Variants in FAM110B observed in about 807,000 individuals in gnomAD.
FAM110B encodes family with sequence similarity 110 member B.
A neutral mutation model predicts 20.4 loss-of-function variants in FAM110B; 6 were observed. That is an observed-to-expected ratio of 0.29 (90% CI 0.16 to 0.58). The LOEUF (loss-of-function observed/expected upper bound fraction) is 0.58, where lower values mean the gene tolerates loss of function less well. Among genes scored for constraint, FAM110B ranks in the 20% least tolerant of loss-of-function variants. The pLI is 0.90. For missense variants in FAM110B, 434 were observed against 498.2 expected, an observed-to-expected ratio of 0.87 and a Z score of 1.23; for synonymous variants, 226 against 214.1, an observed-to-expected ratio of 1.06 and a Z score of -0.49.
intron 1 of FAM110B, among the ~76,000 whole-genome samples, chr8:58,012,922 C>T (rs868140142): frequency 1.3e-5 from 2 of 152,136 alleles, no homozygotes; most frequent in Middle Eastern, 3.2e-3. Flanking sequence ...TCTTATCCCA[C>T]CTGAGCTTGG....
chr8:58,078,256 A>G (rs1050770270), intron 3 of FAM110B, among the ~76,000 whole-genome samples: 1 of 152,218 alleles, frequency 6.6e-6, no homozygotes, highest in Admixed American at 6.5e-5. Context: ...TAAAAGGCAA[A>G]TGAAGTCATG....
At chr8:58,033,067 TC>T (rs1174185648) in intron 2 of FAM110B, among the ~76,000 whole-genome samples, 1 of 151,982 alleles carries the variant, frequency 6.6e-6, no homozygotes, top group Non-Finnish European at 1.5e-5. Flanking sequence ...CCCCTGTAAC[TC>T]CCCCCAGTAG....
At chr8:58,086,056 T>TAGG (rs1806324381) in intron 3 of FAM110B, among the ~76,000 whole-genome samples, 1 of 152,350 alleles carries the variant, frequency 6.6e-6, no homozygotes, top group East Asian at 1.9e-4. Context: ...GACTGGCTTA[T>TAGG]AGGAGGGGCC....
At chr8:58,066,886 G>A (rs535730434) in intron 2 of FAM110B, among the ~76,000 whole-genome samples, 89 of 152,262 alleles carry the variant, frequency 5.8e-4, no homozygotes, top group Non-Finnish European at 1.1e-3. Context: ...CAGCTCAAAC[G>A]CCGGTCCTTT....
chr8:58,096,468 G>A (rs774636105), intron 3 of FAM110B, among the ~76,000 whole-genome samples: 6 of 152,006 alleles, frequency 3.9e-5, no homozygotes, highest in African/African-American at 7.2e-5. Context: ...GAGCCACCGC[G>A]ACCAGCCGGG....
intron 3 of FAM110B, among the ~76,000 whole-genome samples, chr8:58,123,625 G>T (rs1024879916): frequency 5.3e-5 from 8 of 152,070 alleles, no homozygotes; most frequent in African/African-American, 1.9e-4. Flanking sequence ...TGTGTATGAT[G>T]CTATAATCTT....
intron 2 of FAM110B, among the ~76,000 whole-genome samples, chr8:58,039,166 C>T (rs1805150700): frequency 6.6e-6 from 1 of 152,226 alleles, no homozygotes; most frequent in Non-Finnish European, 1.5e-5. Flanking sequence ...TGGGCTGGCA[C>T]TCACAGGGCC....
chr8:58,052,710 C>G (rs1054575260), intron 2 of FAM110B, among the ~76,000 whole-genome samples: 2 of 143,454 alleles, frequency 1.4e-5, no homozygotes, highest in Non-Finnish European at 3.0e-5. Context: ...AGGCAGAGTT[C>G]TAAGATGGCC....
At chr8:58,108,716 T>C (rs1435383456) in intron 3 of FAM110B, among the ~76,000 whole-genome samples, 1 of 152,212 alleles carries the variant, frequency 6.6e-6, no homozygotes. Flanking sequence ...TTCCCCATAT[T>C]CATGGGTTAT....
chr8:58,038,000 G>T (rs1805123583), intron 2 of FAM110B, among the ~76,000 whole-genome samples: 2 of 152,144 alleles, frequency 1.3e-5, no homozygotes, highest in Non-Finnish European at 2.9e-5. Flanking sequence ...GGGACTGTCT[G>T]GGTTTGAAAT....
intron 3 of FAM110B, among the ~76,000 whole-genome samples, chr8:58,085,500 G>A (rs1281894600): frequency 2.0e-5 from 3 of 152,180 alleles, no homozygotes; most frequent in African/African-American, 7.2e-5. Flanking sequence ...GTGACAGAAC[G>A]AGACTCTGTC....
chr8:58,056,781 G>A (rs1232101164), intron 2 of FAM110B, among the ~76,000 whole-genome samples: 2 of 152,126 alleles, frequency 1.3e-5, no homozygotes, highest in African/African-American at 4.8e-5. Flanking sequence ...TTGGTTGTTG[G>A]TGTGTGTTCC....
intron 1 of FAM110B, among the ~76,000 whole-genome samples, chr8:58,019,671 T>C (rs1313550700): frequency 6.6e-6 from 1 of 152,176 alleles, no homozygotes; most frequent in Non-Finnish European, 1.5e-5. Flanking sequence ...AATATGTTGT[T>C]CCATTATGGC....
In FAM110B at chr8:58,068,744, C is replaced by T. The variant is rs532172054; in HGVS notation, c.-413-6791C>T. ...CAGATTTGATTAGATCAGCTCAGGA[C>T]TGCTAATTCTGTAGAACACATTGAG... On this transcript the variant is annotated intron_variant, in intron 2 of 3. Coordinates refer to ENST00000519262, the MANE Select transcript of FAM110B (RefSeq NM_001377989.1). Among the ~76,000 whole-genome samples the T allele has an allele frequency of 3.9e-5, 6 of 152,134 alleles. No individual in the cohort carries two copies. The South Asian group carries it at 8.3e-4, about 21-fold the overall frequency.
intron 3 of FAM110B, among the ~76,000 whole-genome samples, chr8:58,132,332 C>T (rs745500157): frequency 2.6e-5 from 4 of 152,112 alleles, no homozygotes; most frequent in Non-Finnish European, 4.4e-5. Flanking sequence ...AGGAGTTTTG[C>T]TGTGAAAGCA....
intron 2 of FAM110B, among the ~76,000 whole-genome samples, chr8:58,071,671 A>G (rs559194015): frequency 1.3e-5 from 2 of 152,298 alleles, no homozygotes; most frequent in East Asian, 3.9e-4. Context: ...CATCCAGTAC[A>G]AAATGCATCC....
At chr8:58,070,912 TA>T (rs1355434997) in intron 2 of FAM110B, among the ~76,000 whole-genome samples, 1 of 152,222 alleles carries the variant, frequency 6.6e-6, no homozygotes, top group Non-Finnish European at 1.5e-5. Flanking sequence ...TTGTAGTTTT[TA>T]TTAAGCCTTT....
chr8:58,109,532 T>G (rs555409634), intron 3 of FAM110B, among the ~76,000 whole-genome samples: 1 of 152,302 alleles, frequency 6.6e-6, no homozygotes, highest in East Asian at 1.9e-4. Flanking sequence ...TTTTTTTCTT[T>G]TTTTCTTTTG....
At chr8:58,067,669 C>T (rs528930284) in intron 2 of FAM110B, among the ~76,000 whole-genome samples, 84 of 152,200 alleles carry the variant, frequency 5.5e-4, no homozygotes, top group Non-Finnish European at 1.1e-3. Context: ...TGAGCATTCC[C>T]ACATTACAAC....
Sources: gnomAD v4.1 joint callset for allele counts (sites outside exome capture counted in the v4.1 genomes callset) on GRCh38, gnomAD v4.1.1 for gene constraint, MANE v1.5 for transcripts, NCBI Gene and HGNC (gene_info 2026-07-23, HGNC 2026-07-21) for gene names.